The following ADGRG6 variants were observed in gnomAD, a reference collection of about 807,000 sequenced individuals.
ADGRG6 encodes adhesion G protein-coupled receptor G6.
A neutral mutation model predicts 142.4 loss-of-function variants in ADGRG6; 84 were observed. The observed-to-expected ratio is 0.59, with a 90% CI of 0.49 to 0.71. The LOEUF (loss-of-function observed/expected upper bound fraction) is 0.71, where lower values mean the gene tolerates loss of function less well. ADGRG6 is among the 30% of genes least tolerant of loss of function. ADGRG6 has a pLI of 0.00. For missense variants in ADGRG6, 1,367 were observed against 1,466.6 expected (o/e 0.93, Z 1.11); for synonymous variants, 521 against 520.5 (o/e 1.00, Z -0.01).
chr6:142,383,611 T>G lies in ADGRG6; in HGVS notation c.1139-149T>G, dbSNP rs562212123. On this transcript the variant is annotated intron_variant, in intron 5 of 24. Transcript: ENST00000367609. ...GTGCCATAGAAAGCATTGCTTCATC[T>G]TATACATTACAACCTTGGAGTCTTT... 6.8e-6 allele frequency: 4 copies of G among 584,342 alleles called. No individual in the cohort carries two copies. The South Asian group carries it at 8.9e-5, about 13-fold the overall frequency. 36.2% of individuals were successfully genotyped at this position (584,342 alleles called of 1,614,324 possible). A position where few individuals can be genotyped will look rare whatever the true frequency, so the allele number is the denominator to read the frequency against.
In ADGRG6 at chr6:142,417,779, T is replaced by C. The variant is rs147441503; in HGVS notation, c.3035+410T>C. Reference sequence around the variant, plus strand: ...AATTTAGAGAATGGAGAAATCAGCATGTTCTTAAACAATTTCAAAAGTTCT... The same window carrying C: ...AATTTAGAGAATGGAGAAATCAGCACGTTCTTAAACAATTTCAAAAGTTCT... On this transcript the variant is annotated intron_variant, in intron 21 of 24. Coordinates refer to ENST00000367609, the MANE Select transcript of ADGRG6 (RefSeq NM_198569.3). Among the ~76,000 whole-genome samples, 674 of 152,310 alleles carry C rather than the reference T, an allele frequency of 4.4e-3. 6 individuals are homozygous for C. The highest frequency in any genetic ancestry group is 0.016 in the African/African-American group (645 of 41,564).
chr6:142,373,082 T>C (rs1448554957), intron 4 of ADGRG6, among the ~76,000 whole-genome samples: 2 of 152,186 alleles, frequency 1.3e-5, no homozygotes, highest in African/African-American at 4.8e-5. Context: ...ATTGATCCTA[T>C]TTTGCAAATA....
At chr6:142,335,178 GTTAAGTCATGGGGAA>G (rs1779252880) in intron 2 of ADGRG6, among the ~76,000 whole-genome samples, 1 of 152,192 alleles carries the variant, frequency 6.6e-6, no homozygotes, top group Non-Finnish European at 1.5e-5. Flanking sequence ...CAGAAATAGT[GTTAAGTCATGGGGAA>G]CCTTGAATTT....
chr6:142,339,396 A>C (rs116345581), intron 2 of ADGRG6, among the ~76,000 whole-genome samples: 2,121 of 152,292 alleles, frequency 0.014, 49 homozygotes, highest in African/African-American at 0.048. Context: ...AGGAACTATC[A>C]AACATGCTTC....
chr6:142,345,165 A>T (rs1019374015), intron 2 of ADGRG6, among the ~76,000 whole-genome samples: 5 of 152,112 alleles, frequency 3.3e-5, no homozygotes, highest in Non-Finnish European at 5.9e-5. Flanking sequence ...ACAGAGTGGT[A>T]AAAGAGTAAA....
intron 2 of ADGRG6, among the ~76,000 whole-genome samples, chr6:142,355,356 ATACC>A (rs925593456): frequency 6.6e-6 from 1 of 152,078 alleles, no homozygotes; most frequent in Non-Finnish European, 1.5e-5. Context: ...TAATAATAAT[ATACC>A]TATTATTATT....
chr6:142,370,089 T>TG (rs567165570), intron 3 of ADGRG6, 81 bp from the exon 4 acceptor site: 1 of 1,219,158 alleles, frequency 8.2e-7, no homozygotes, highest in South Asian at 1.6e-5. Context: ...TAGAAAGCGA[T>TG]GGAGGGCTTG....
At chr6:142,397,818 A>G in intron 10 of ADGRG6, 63 bp downstream of exon 10, 1 of 1,061,148 alleles carries the variant, frequency 9.4e-7, no homozygotes, top group Middle Eastern at 2.3e-4. Context: ...TTTACTTGAA[A>G]CAACAGCAGA....
chr6:142,419,447 A>G (rs1776544491), intron 21 of ADGRG6, among the ~76,000 whole-genome samples: 1 of 152,198 alleles, frequency 6.6e-6, no homozygotes, highest in African/African-American at 2.4e-5. Context: ...CTCCTTAAAT[A>G]CAAAGGAGAC....
chr6:142,442,383 G>A (rs1777797157), intron 24 of ADGRG6, among the ~76,000 whole-genome samples: 1 of 152,046 alleles, frequency 6.6e-6, no homozygotes, highest in Non-Finnish European at 1.5e-5. Flanking sequence ...ATATTTGTAG[G>A]ATACATGAAG....
chr6:142,372,619 A>G (rs955419823), intron 4 of ADGRG6, among the ~76,000 whole-genome samples: 7 of 151,878 alleles, frequency 4.6e-5, no homozygotes, highest in South Asian at 2.1e-4. Flanking sequence ...CCACAAGGGA[A>G]CTGCAGAGCT....
chr6:142,383,753 T>C lies in ADGRG6; in HGVS notation c.1139-7T>C. The C allele has an allele frequency of 1.4e-6, 2 of 1,425,602 alleles. No individual in the cohort carries two copies. The highest frequency in any genetic ancestry group is 2.3e-5 in the East Asian group (1 of 43,894). The allele number at this position is 1,425,602 out of a possible 1,614,324, so 88.3% of individuals were successfully genotyped here. A position where few individuals can be genotyped will look rare whatever the true frequency, so the allele number is the denominator to read the frequency against. On this transcript the variant is annotated splice_region_variant and splice_polypyrimidine_tract_variant and intron_variant, in intron 5 of 24. Coordinates refer to ENST00000367609, the MANE Select transcript of ADGRG6 (RefSeq NM_198569.3). Reference sequence around the variant, plus strand: ...CAAAATTACATCTTTCTCATCTTTATTACCAGCTACTGTAAACTCTCCTAG... The same window carrying C: ...CAAAATTACATCTTTCTCATCTTTACTACCAGCTACTGTAAACTCTCCTAG...
At chr6:142,347,302 T>C (rs1258897995) in intron 2 of ADGRG6, among the ~76,000 whole-genome samples, 1 of 152,178 alleles carries the variant, frequency 6.6e-6, no homozygotes, top group African/African-American at 2.4e-5. Context: ...TTCTGATTGA[T>C]CAGAGCCCTA....
rs116344795 is a variant in ADGRG6 at position 142,304,644 on chromosome 6, A to T, written c.2+2313A>T. The stretch of plus-strand genomic sequence containing the variant: ...AATAACTGCTTTTTAAAACCTGACT[A>T]TTTTTCTAATGGCCTATATATCTTA... On this transcript the variant is annotated intron_variant, in intron 1 of 24. Transcript: ENST00000367609. Among the ~76,000 whole-genome samples, 967 of 152,228 alleles carry T rather than the reference A, an allele frequency of 6.4e-3. 10 individuals are homozygous for T. The highest frequency in any genetic ancestry group is 0.022 in the African/African-American group (904 of 41,528).
chr6:142,427,930 T>C (rs1049236424), intron 22 of ADGRG6, among the ~76,000 whole-genome samples: 10 of 152,174 alleles, frequency 6.6e-5, no homozygotes, highest in African/African-American at 2.4e-4. Flanking sequence ...CAGGTTCCTC[T>C]CACGGTGTGT....
intron 22 of ADGRG6, among the ~76,000 whole-genome samples, chr6:142,423,046 T>C (rs1385877197): frequency 1.3e-5 from 2 of 151,392 alleles, no homozygotes; most frequent in African/African-American, 4.9e-5. Context: ...TTTGAGTTCA[T>C]TGTAGATTCT....
intron 19 of ADGRG6, 50 bp from the exon 20 acceptor site, chr6:142,415,746 A>T: frequency 7.5e-7 from 1 of 1,324,942 alleles, no homozygotes; most frequent in South Asian, 1.2e-5. Flanking sequence ...TGCTTAAAAG[A>T]TTGATATACA....
chr6:142,441,567 C>T (rs926466429), intron 24 of ADGRG6, among the ~76,000 whole-genome samples: 1 of 152,098 alleles, frequency 6.6e-6, no homozygotes, highest in Non-Finnish European at 1.5e-5. Context: ...ACTGCAAAGA[C>T]CCACTAAATT....
intron 2 of ADGRG6, among the ~76,000 whole-genome samples, chr6:142,325,705 A>T (rs964125158): frequency 6.6e-5 from 10 of 152,108 alleles, no homozygotes; most frequent in Non-Finnish European, 1.2e-4. Flanking sequence ...TCAAACTTTT[A>T]CTAATTTATC....
Sources: gnomAD v4.1 joint callset for allele counts (sites outside exome capture counted in the v4.1 genomes callset) on GRCh38, gnomAD v4.1.1 for gene constraint, MANE v1.5 for transcripts, NCBI Gene and HGNC (gene_info 2026-07-23, HGNC 2026-07-21) for gene names.